SYN1: variants seen among roughly 807,000 people sequenced by gnomAD.
SYN1 encodes the protein synapsin I.
SYN1 carries 8 observed loss-of-function variants against 44.6 expected under a neutral mutation model. The ratio of observed to expected loss-of-function variants is 0.18; its 90% CI spans 0.11 to 0.32. The LOEUF is 0.32. Among genes scored for constraint, SYN1 ranks in the 10% least tolerant of loss-of-function variants. The pLI is 1.00. For missense variants in SYN1, 451 were observed against 639.4 expected (o/e 0.71, Z 3.18); for synonymous variants, 275 against 280.1 (o/e 0.98, Z 0.18).
In SYN1 at chrX:47,605,314, T is replaced by C; in HGVS notation, c.593A>G (p.Tyr198Cys). Residue 198 changes from tyrosine (Y) to cysteine (C), a missense_variant, in exon 4 of 13, where the codon TAC becomes TGC. Tyr to Cys is a radical substitution (Grantham distance 194). This residue lies in a region of SYN1 where 315 missense variants were observed against 451.4 expected (regional missense o/e 0.70). Coordinates refer to ENST00000295987, the MANE Select transcript of SYN1 (RefSeq NM_006950.3). ...CTGCAGCCCAATGACCAAACTGCGG[T>C]AGTCTCCGTTGCGTGCCATGCTGAA... is the stretch of plus-strand genomic sequence containing the variant. ...HAFSMARNGD[Y>C]RSLVIGLQYA... The C allele has an allele frequency of 8.3e-7, 1 of 1,210,841 alleles. No individual in the cohort carries two copies.
At chrX:47,573,763 G>A (rs2057767413) in intron 12 of SYN1, among the ~76,000 whole-genome samples, 1 of 110,730 alleles carries the variant, frequency 9.0e-6, no homozygotes, top group African/African-American at 3.3e-5. Context: ...GGAGGAATTC[G>A]AACTGAGTGC....
At chrX:47,580,185 CTTT>C (rs749909509) in intron 5 of SYN1, among the ~76,000 whole-genome samples, 2 of 88,910 alleles carry the variant, frequency 2.2e-5, no homozygotes, top group African/African-American at 8.1e-5. Flanking sequence ...TAGAACAGTG[CTTT>C]TTTTTTTTTT....
intron 1 of SYN1, 47 bp downstream of exon 1, chrX:47,619,305 G>C (rs771957827): frequency 2.5e-6 from 3 of 1,195,638 alleles, no homozygotes; most frequent in African/African-American, 3.5e-5. Flanking sequence ...GCAGAAGAAC[G>C]ATCTGGGGAC....
chrX:47,577,222 A>G lies in SYN1; in HGVS notation c.837+217T>C, dbSNP rs192646543. On this transcript the variant is annotated intron_variant, in intron 6 of 12. Coordinates refer to ENST00000295987, the MANE Select transcript of SYN1 (RefSeq NM_006950.3). ...AAATTGGCTGAATGCAGGAGGAAAA[A>G]GGGGTCGATGAGGTCAGCTGAATGT... 4.9e-3 allele frequency among the ~76,000 whole-genome samples: 548 copies of G among 111,190 alleles called. 3 individuals are homozygous for G. The highest frequency in any genetic ancestry group is 0.017 in the African/African-American group (523 of 30,649).
chrX:47,603,166 CTGTT>C (rs1250498619), intron 5 of SYN1, among the ~76,000 whole-genome samples: 2 of 111,265 alleles, frequency 1.8e-5, no homozygotes, highest in Non-Finnish European at 3.8e-5. Context: ...AATTTTTACA[CTGTT>C]TGTACTAATG....
intron 1 of SYN1, among the ~76,000 whole-genome samples, chrX:47,611,255 G>A (rs1367670771): frequency 2.7e-5 from 3 of 111,884 alleles, no homozygotes; most frequent in Non-Finnish European, 3.8e-5. Flanking sequence ...GGGTGATGAT[G>A]GAAATCAATG....
At chrX:47,585,836 C>G in intron 5 of SYN1, 1 of 1,149,257 alleles carries the variant, frequency 8.7e-7, no homozygotes, top group Non-Finnish European at 1.2e-6. Context: ...CGAGACTGCT[C>G]CCTTACAAAT....
intron 3 of SYN1, among the ~76,000 whole-genome samples, 165 bp downstream of exon 3, chrX:47,606,780 C>T (rs1230297411): frequency 9.5e-6 from 1 of 104,877 alleles, no homozygotes; most frequent in Non-Finnish European, 1.9e-5. Flanking sequence ...CTTGTGGCAT[C>T]CTGGGGTCCC....
At chrX:47,606,521 T>G (rs1472418623) in intron 3 of SYN1, among the ~76,000 whole-genome samples, 1 of 108,971 alleles carries the variant, frequency 9.2e-6, no homozygotes, top group Non-Finnish European at 1.9e-5. Context: ...CCCAGAAGTT[T>G]GAGACAAACC....
At position 47,573,115 on chromosome X, in the gene SYN1, G is replaced by C. The variant is rs1000144047; in HGVS notation, c.1983-116C>G. The C allele has an allele frequency of 9.7e-5, 97 of 998,728 alleles. 1 individual carries two copies. In the Admixed American group the frequency reaches 2.4e-3, roughly 25 times the overall value. 82.3% of individuals were successfully genotyped at this position (998,728 alleles called of 1,213,427 possible). Reference sequence around the variant, plus strand: ...CCAGCCCTGCCCCTCTGATCCTGGGGCTGTGCCTGTGACCTCCCCACCTGC... The same window carrying C: ...CCAGCCCTGCCCCTCTGATCCTGGGCCTGTGCCTGTGACCTCCCCACCTGC... On this transcript the variant is annotated intron_variant, in intron 12 of 12. Coordinates refer to ENST00000295987, the MANE Select transcript of SYN1 (RefSeq NM_006950.3).
intron 1 of SYN1, among the ~76,000 whole-genome samples, chrX:47,617,964 T>A (rs1001397516): frequency 3.6e-5 from 4 of 111,643 alleles, no homozygotes; most frequent in Non-Finnish European, 7.5e-5. Context: ...AAAAGTCCTA[T>A]GGGGAGGGGA....
In SYN1 at chrX:47,582,232, C is replaced by T. The variant is rs376386551; in HGVS notation, c.775-4731G>A. The stretch of plus-strand genomic sequence containing the variant: ...GTGGAGGTGGGGGAGGTGGCTGGCC[C>T]GGGCGAGGCCCAGGGAGAGGGAGAG... On this transcript the variant is annotated intron_variant, in intron 5 of 12. Coordinates refer to ENST00000295987, the MANE Select transcript of SYN1 (RefSeq NM_006950.3). 5.4e-4 allele frequency: 68 copies of T among 125,612 alleles called. No homozygotes were observed. In the Middle Eastern group the frequency reaches 0.019, roughly 36 times the overall value. 10.4% of individuals were successfully genotyped at this position (125,612 alleles called of 1,213,427 possible).
intron 5 of SYN1, 29 bp from the exon 6 acceptor site, chrX:47,577,530 C>A: frequency 8.4e-7 from 1 of 1,188,107 alleles, no homozygotes; most frequent in South Asian, 1.8e-5. Flanking sequence ...AGGAGACATG[C>A]TCAGGGCAGA....
intron 5 of SYN1, among the ~76,000 whole-genome samples, chrX:47,584,148 G>A (rs1163228906): frequency 9.0e-6 from 1 of 111,631 alleles, no homozygotes; most frequent in Non-Finnish European, 1.9e-5. Context: ...AGGGGAATCA[G>A]ACATCACCTG....
intron 10 of SYN1, 44 bp downstream of exon 10, chrX:47,575,083 TC>T (rs1296485063): frequency 8.5e-7 from 1 of 1,172,474 alleles, no homozygotes; most frequent in South Asian, 1.9e-5. Context: ...AGGGCCGGCC[TC>T]CCCACACTAG....
intron 1 of SYN1, among the ~76,000 whole-genome samples, chrX:47,610,149 C>T (rs773218328): frequency 8.1e-5 from 9 of 111,661 alleles, no homozygotes; most frequent in Non-Finnish European, 1.7e-4. Flanking sequence ...AGAGGGCAGA[C>T]AGAAGGGAGG....
At chrX:47,579,734 C>G (rs1254311904) in intron 5 of SYN1, among the ~76,000 whole-genome samples, 1 of 111,734 alleles carries the variant, frequency 8.9e-6, no homozygotes, top group Non-Finnish European at 1.9e-5. Flanking sequence ...GCCCTCACTT[C>G]TCCCTCGGAG....
chrX:47,590,179 G>C (rs1276372318), intron 5 of SYN1: 1 of 111,191 alleles, frequency 9.0e-6, no homozygotes, highest in Non-Finnish European at 1.9e-5. Context: ...GTTTCCTAGT[G>C]GAGTCCTGAA....
chrX:47,615,271 T>G (rs895465095), intron 1 of SYN1, among the ~76,000 whole-genome samples: 10 of 111,854 alleles, frequency 8.9e-5, no homozygotes, highest in Non-Finnish European at 1.5e-4. Flanking sequence ...TAAATACATA[T>G]GCATAACTGG....
Sources: gnomAD v4.1 joint callset for allele counts (sites outside exome capture counted in the v4.1 genomes callset) on GRCh38, gnomAD v4.1.1 for gene constraint, gnomAD v4.1.1 regional missense constraint, MANE v1.5 for transcripts, NCBI Gene and HGNC (gene_info 2026-07-23, HGNC 2026-07-21) for gene names.